The following HTT variants were observed in gnomAD, a reference collection of about 807,000 sequenced individuals.
The protein encoded by HTT is huntingtin.
Under a neutral mutation model 362.3 loss-of-function variants are expected in HTT, and 104 were observed. The ratio of observed to expected loss-of-function variants is 0.29; its 90% confidence interval spans 0.24 to 0.34. The LOEUF (loss-of-function observed/expected upper bound fraction) is 0.34, where lower values mean the gene tolerates loss of function less well. Ranked by LOEUF, HTT falls within the 10% of genes least tolerant of loss-of-function variation. The pLI, the probability that HTT is intolerant of heterozygous loss-of-function variation, is 1.00. For synonymous variants in HTT, 1,577 were observed against 1,548.7 expected (o/e 1.02, Z -0.43); for missense variants, 3,301 against 3,928.6 (o/e 0.84, Z 4.27).
In HTT at chr4:3,144,607, C is replaced by T. The variant is rs189327090; in HGVS notation, c.3067-545C>T. ...CTGGGATTACAGGCGTGAGCTACTG[C>T]GCCCAGCCAGACCTTTTTATTTTAT... On this transcript the variant is annotated intron_variant, in intron 23 of 66. Coordinates refer to ENST00000355072, the MANE Select transcript of HTT (RefSeq NM_001388492.1). 3.1e-3 allele frequency among the ~76,000 whole-genome samples: 466 copies of T among 152,330 alleles called. 1 individual carries two copies. Among genetic ancestry groups the T allele is most frequent in the Non-Finnish European group, 5.0e-3 (340 of 68,028 alleles).
rs879121103 is a variant in HTT, at chr4:3,236,276, C to T, written c.8891+22C>T. The T allele has an allele frequency of 4.0e-6, 6 of 1,511,146 alleles. No individual in the cohort carries two copies. In the South Asian group the frequency reaches 6.7e-5, roughly 17 times the overall value. The allele number at this position is 1,511,146 out of a possible 1,614,324, so 93.6% of individuals were successfully genotyped here. On this transcript the variant is annotated intron_variant, in intron 64 of 66. Transcript: ENST00000355072. Reference sequence around the variant, plus strand: ...ATAGGTAAGAAGCGAAGCCCCATCCCTCAGCCGTTAGCTTCCCTAGAACTT... The same window carrying T: ...ATAGGTAAGAAGCGAAGCCCCATCCTTCAGCCGTTAGCTTCCCTAGAACTT...
intron 52 of HTT, among the ~76,000 whole-genome samples, chr4:3,219,105 G>A (rs1162732914): frequency 6.6e-6 from 1 of 152,262 alleles, no homozygotes; most frequent in Non-Finnish European, 1.5e-5. Flanking sequence ...GGTGCTGGAA[G>A]CAGTTGCAGA....
chr4:3,235,557 CT>C lies in HTT; in HGVS notation c.8572-7del. 1 of 1,613,276 alleles carries C rather than the reference CT, an allele frequency of 6.2e-7. No homozygotes were observed. The highest frequency in any genetic ancestry group is 8.5e-7 in the Non-Finnish European group (1 of 1,179,382). On this transcript the variant is annotated splice_polypyrimidine_tract_variant and splice_region_variant and intron_variant, in intron 62 of 66. Transcript: ENST00000355072. ...TTCTTTGACACAGAGGCCTTTCTCC[CT>C]GTGCAGATGTGTGGGGTGATGCTGT...
At chr4:3,146,655 T>C (rs558270445) in intron 24 of HTT, 142 bp from the exon 25 acceptor site, 1 of 702,730 alleles carries the variant, frequency 1.4e-6, no homozygotes, top group Non-Finnish European at 2.5e-6. Flanking sequence ...GGAAAGATGT[T>C]AGTTGATTAA....
chr4:3,217,889 G>A lies in HTT; in HGVS notation c.7179G>A (p.Arg2393=). ...CGGCGTTTCTCACGCCATTGCTAAG[G>A]AACATCATCATCAGCCTGGCCCGCC... ...GVPAFLTPLL[R]NIIISLARLP... is the part of the protein sequence containing the mutation. Residue 2393 remains arginine, a synonymous_variant, in exon 52 of 67, where the codon AGG becomes AGA. Coordinates refer to ENST00000355072, the MANE Select transcript of HTT (RefSeq NM_001388492.1). 1 of 1,614,106 alleles carries A rather than the reference G, an allele frequency of 6.2e-7. No individual in the cohort carries two copies. The highest frequency in any genetic ancestry group is 8.5e-7 in the Non-Finnish European group (1 of 1,180,008).
chr4:3,199,497 G>A lies in HTT; in HGVS notation c.5369-235G>A, dbSNP rs567942078. Among the ~76,000 whole-genome samples, 8 of 150,274 alleles carry A rather than the reference G, an allele frequency of 5.3e-5. No individual in the cohort carries two copies. In the East Asian group the frequency reaches 5.9e-4, roughly 11 times the overall value. ...GGAGTTTGCAGTGAGCCAAGATTGC[G>A]CCACTGCACTCCAACCTGGGCAACA... is the stretch of plus-strand genomic sequence containing the variant. On this transcript the variant is annotated intron_variant, in intron 40 of 66. Transcript: ENST00000355072.
chr4:3,093,207 A>T, intron 2 of HTT, among the ~76,000 whole-genome samples: 1 of 152,190 alleles, frequency 6.6e-6, no homozygotes, highest in East Asian at 1.9e-4. Context: ...GATTAGAAGG[A>T]ACAGTTGCTG....
At chr4:3,201,336 C>G (rs1399145592) in intron 41 of HTT, among the ~76,000 whole-genome samples, 1 of 152,102 alleles carries the variant, frequency 6.6e-6, no homozygotes, top group African/African-American at 2.4e-5. Context: ...CGAGACCAGC[C>G]TGGCCAACAT....
intron 3 of HTT, among the ~76,000 whole-genome samples, chr4:3,100,226 A>G (rs1045044094): frequency 6.6e-6 from 1 of 152,088 alleles, no homozygotes; most frequent in African/African-American, 2.4e-5. Flanking sequence ...GTGTCTGTGT[A>G]TGTGTGAGGA....
At chr4:3,136,372 T>A in intron 21 of HTT, 46 bp downstream of exon 21, 1 of 992,040 alleles carries the variant, frequency 1.0e-6, no homozygotes, top group Non-Finnish European at 1.6e-6. Flanking sequence ...GTTGAAGTAC[T>A]AAAAGATACG....
In HTT at chr4:3,125,558, T is replaced by A; in HGVS notation, c.1331T>A (p.Leu444His). The A allele has an allele frequency of 6.2e-7, 1 of 1,612,958 alleles. No homozygotes were observed. ...VLSRKQKGKVLLGEEEALEDD... is the reference protein window; with the variant it reads ...VLSRKQKGKVHLGEEEALEDD... ...GTACATTATTTACTAGGCAAAGTGC[T>A]CTTAGGAGAAGAAGAAGCCTTGGAG... The change falls in exon 11 of 67, where the codon CTC becomes CAC. Residue 444 changes from leucine to histidine, a missense_variant. Physicochemically the swap from Leu to His is moderately conservative, Grantham distance 99 (BLOSUM62 -3). Around this residue, in one of 4 missense-constraint regions of HTT, gnomAD observed 2,316 missense variants for 2,658.5 expected, o/e 0.87. Coordinates refer to ENST00000355072, the MANE Select transcript of HTT (RefSeq NM_001388492.1).
At position 3,238,844 on chromosome 4, in the gene HTT, G is replaced by T; in HGVS notation, c.9081G>T (p.Gly3027=). 1 of 1,612,402 alleles carries T rather than the reference G, an allele frequency of 6.2e-7. No individual in the cohort carries two copies. Residue 3027 remains glycine, a synonymous_variant, in exon 66 of 67, where the codon GGG becomes GGT. Transcript: ENST00000355072. ...YKVFQTLHST[G]QSSMVRDWVM... ...TGTTTCAGACTCTGCACAGCACCGG[G>T]CAGTCGTCCATGGTCCGGGACTGGG...
rs1213277775 is a variant in HTT, at chr4:3,191,876, A to G, written c.5368+2783A>G. On this transcript the variant is annotated intron_variant, in intron 40 of 66. Coordinates refer to ENST00000355072, the MANE Select transcript of HTT (RefSeq NM_001388492.1). ...TGACAAATTATGATGTGGTGATTGT[A>G]TTCAACAGTCTTTCAGTTGCAGGGA... 5.9e-5 allele frequency among the ~76,000 whole-genome samples: 9 copies of G among 152,226 alleles called. 1 individual carries two copies. Among genetic ancestry groups the G allele is most frequent in the Admixed American group, 5.9e-4 (9 of 15,286 alleles).
chr4:3,237,122 G>A (rs1560608326), intron 64 of HTT, among the ~76,000 whole-genome samples: 2 of 151,906 alleles, frequency 1.3e-5, no homozygotes, highest in Non-Finnish European at 2.9e-5. Flanking sequence ...CACCCAGGCT[G>A]GAGTGCAATG....
chr4:3,150,466 C>T (rs540103394), intron 26 of HTT, among the ~76,000 whole-genome samples: 2 of 152,176 alleles, frequency 1.3e-5, no homozygotes, highest in African/African-American at 2.4e-5. Context: ...CCAGCTGCCC[C>T]GTGACACTTA....
intron 23 of HTT, among the ~76,000 whole-genome samples, 196 bp from the exon 24 acceptor site, chr4:3,144,956 T>A (rs1366521843): frequency 6.6e-6 from 1 of 152,174 alleles, no homozygotes; most frequent in Non-Finnish European, 1.5e-5. Flanking sequence ...GGGATATAAT[T>A]GCCATTCTGA....
chr4:3,193,755 AT>A (rs1719125230), intron 40 of HTT, among the ~76,000 whole-genome samples: 1 of 152,208 alleles, frequency 6.6e-6, no homozygotes, highest in African/African-American at 2.4e-5. Context: ...ATTTTATTTA[AT>A]TTTAATTAAC....
intron 61 of HTT, 35 bp from the exon 62 acceptor site, chr4:3,235,249 G>T: frequency 1.4e-6 from 2 of 1,406,220 alleles, no homozygotes; most frequent in South Asian, 2.3e-5. Context: ...GTTGGATGGG[G>T]GTGGCTGAGC....
rs567968972 is a variant in HTT, at chr4:3,240,115, C to A, written c.*56C>A. 703 of 1,448,386 alleles carry A rather than the reference C, an allele frequency of 4.9e-4. 1 individual carries two copies. The highest frequency in any genetic ancestry group is 7.0e-4 in the Middle Eastern group (3 of 4,276). 89.7% of individuals were successfully genotyped at this position (1,448,386 alleles called of 1,614,324 possible). A position where few individuals can be genotyped will look rare whatever the true frequency, so the allele number is the denominator to read the frequency against. On this transcript the variant is annotated 3_prime_UTR_variant, in exon 67 of 67. Coordinates refer to ENST00000355072, the MANE Select transcript of HTT (RefSeq NM_001388492.1). ...AGCTGGGGCCGGAGCCTTTGGAAGTCTGCGCCCTTGTGCCCTGCCTCCACC... is the reference window on the plus strand; with the variant it reads ...AGCTGGGGCCGGAGCCTTTGGAAGTATGCGCCCTTGTGCCCTGCCTCCACC...
Sources: gnomAD v4.1 joint callset for allele counts (sites outside exome capture counted in the v4.1 genomes callset) on GRCh38, gnomAD v4.1.1 for gene constraint, gnomAD v4.1.1 regional missense constraint, MANE v1.5 for transcripts, NCBI Gene and HGNC (gene_info 2026-07-23, HGNC 2026-07-21) for gene names.